SEMA7A: variants seen among roughly 807,000 people sequenced by gnomAD.
SEMA7A encodes semaphorin-7A.
In SEMA7A, 21 loss-of-function variants were observed where a neutral mutation model predicts 67.5. The ratio of observed to expected loss-of-function variants is 0.31; its 90% CI spans 0.22 to 0.45. The LOEUF (loss-of-function observed/expected upper bound fraction) is 0.45. Ranked by LOEUF, SEMA7A falls within the 20% of genes least tolerant of loss-of-function variation. The pLI, the probability that SEMA7A is intolerant of heterozygous loss-of-function variation, is 1.00. For synonymous variants in SEMA7A, 364 were observed against 368.5 expected (o/e 0.99, Z 0.14); for missense variants, 774 against 908.6 (o/e 0.85, Z 1.90).
rs2060888269 is a variant in SEMA7A, at chr15:74,410,319, A to G, written c.*305T>C. ...ACCCATGGGCTCTTGGGCTGGGAGC[A>G]TCGCTGCATTTAGTCAAGTTTGAGG... is the stretch of plus-strand genomic sequence containing the variant. On this transcript the variant is annotated 3_prime_UTR_variant, in exon 14 of 14. Coordinates refer to ENST00000261918, the MANE Select transcript of SEMA7A (RefSeq NM_003612.5). This position sits in a 1 kb window ranked among gnomAD's most constrained non-coding sequence, Gnocchi z 7.5. 2.8e-6 allele frequency: 1 copy of G among 359,982 alleles called. No individual in the cohort carries two copies. The highest frequency in any genetic ancestry group is 2.1e-5 in the African/African-American group (1 of 47,510). 22.3% of individuals were successfully genotyped at this position (359,982 alleles called of 1,614,324 possible). A position where few individuals can be genotyped will look rare whatever the true frequency, so the allele number is the denominator to read the frequency against.
rs80104948 is a variant in SEMA7A at position 74,418,044 on chromosome 15, C to A, written c.373-75G>T. The A allele has an allele frequency of 1.9e-3, 2,916 of 1,515,184 alleles. 40 individuals are homozygous for A. The African/African-American group carries it at 0.036, about 19-fold the overall frequency. The allele number at this position is 1,515,184 out of a possible 1,614,324, so 93.9% of individuals were successfully genotyped here. ...CTGGCAAGCCTAGCACTAGGACCCC[C>A]AGGATCAGGGAAGAAGGTGTCAGAA... On this transcript the variant is annotated intron_variant, in intron 3 of 13. Transcript: ENST00000261918.
In SEMA7A at chr15:74,415,822, T is replaced by C. The variant is rs2060943208; in HGVS notation, c.965A>G (p.Tyr322Cys). 4.3e-6 allele frequency: 7 copies of C among 1,613,502 alleles called. No individual in the cohort carries two copies. The highest frequency in any genetic ancestry group is 1.1e-5 in the South Asian group (1 of 91,012). The part of the protein sequence containing the change: ...PSGQWRDTRV[Y>C]GVFSNPWNYS... ...TCACCAGGGGTTGGAGAAAACACCA[T>C]AGACCCTGGTGTCCCTCCACTGGCC... Residue 322 changes from tyrosine (Y) to cysteine (C), a missense_variant, in exon 8 of 14, where the codon TAT (tyrosine) becomes TGT (cysteine). Physicochemically the swap from Tyr to Cys is radical, Grantham distance 194. Coordinates refer to ENST00000261918, the MANE Select transcript of SEMA7A (RefSeq NM_003612.5).
intron 6 of SEMA7A, 55 bp downstream of exon 6, chr15:74,417,280 C>T: frequency 2.2e-6 from 3 of 1,386,082 alleles, no homozygotes; most frequent in Non-Finnish European, 3.1e-6. Context: ...CCATCTGCCA[C>T]CTTAAGTGCT....
chr15:74,428,949 T>C (rs941694713), intron 1 of SEMA7A, among the ~76,000 whole-genome samples: 7 of 152,126 alleles, frequency 4.6e-5, no homozygotes, highest in African/African-American at 1.7e-4. Flanking sequence ...TGGCCCTCCA[T>C]CCCCCTGCTT....
intron 1 of SEMA7A, among the ~76,000 whole-genome samples, chr15:74,420,857 G>T (rs141920073): frequency 6.6e-6 from 1 of 152,314 alleles, no homozygotes; most frequent in African/African-American, 2.4e-5. Flanking sequence ...GCCAGGAAAA[G>T]GTGCGTGTCT....
Position 74,433,930 on chromosome 15 carries a change from G to A in SEMA7A, c.-12C>T, listed in dbSNP as rs776658881. The A allele has an allele frequency of 8.8e-6, 11 of 1,243,212 alleles. No individual in the cohort carries two copies. The highest frequency in any genetic ancestry group is 1.0e-5 in the Non-Finnish European group (10 of 996,064). 77.0% of individuals were successfully genotyped at this position (1,243,212 alleles called of 1,614,324 possible). ...GGAGGAGGCGTCATCCCGTGGCCCC[G>A]GGAGCGACAGCGGCAATCAGCCGAG... is the stretch of plus-strand genomic sequence containing the variant. On this transcript the variant is annotated 5_prime_UTR_variant, in exon 1 of 14. Coordinates refer to ENST00000261918, the MANE Select transcript of SEMA7A (RefSeq NM_003612.5).
At position 74,414,974 on chromosome 15, in the gene SEMA7A, G is replaced by A; in HGVS notation, c.987-28C>T. On this transcript the variant is annotated intron_variant, in intron 8 of 13. Coordinates refer to ENST00000261918, the MANE Select transcript of SEMA7A (RefSeq NM_003612.5). This position sits in a 1 kb window ranked among gnomAD's most constrained non-coding sequence, Gnocchi z 4.1. Reference sequence around the variant, plus strand: ...GCAGTGACATGGAGACCAGCTCAATGGGGGGCCCAGAACCCACCCATCCAC... The same window carrying A: ...GCAGTGACATGGAGACCAGCTCAATAGGGGGCCCAGAACCCACCCATCCAC... The A allele has an allele frequency of 2.5e-6, 4 of 1,591,520 alleles. No homozygotes were observed. Among genetic ancestry groups the A allele is most frequent in the Non-Finnish European group, 3.4e-6 (4 of 1,161,342 alleles).
At chr15:74,422,434 A>T (rs2061007802) in intron 1 of SEMA7A, among the ~76,000 whole-genome samples, 1 of 152,162 alleles carries the variant, frequency 6.6e-6, no homozygotes. Flanking sequence ...GGCATAGCCC[A>T]GAGGCAGGCC....
At position 74,423,677 on chromosome 15, in the gene SEMA7A, C is replaced by T. The variant is rs1297139395; in HGVS notation, c.179-4725G>A. Among the ~76,000 whole-genome samples, 3 of 152,184 alleles carry T rather than the reference C, an allele frequency of 2.0e-5. No homozygotes were observed. The highest frequency in any genetic ancestry group is 4.4e-5 in the Non-Finnish European group (3 of 68,024). On this transcript the variant is annotated intron_variant, in intron 1 of 13. Transcript: ENST00000261918. This position sits in a 1 kb window ranked among gnomAD's most constrained non-coding sequence, Gnocchi z 4.1. The stretch of plus-strand genomic sequence containing the variant: ...ACCTTCCAGGTGAGGCCCTGATCTC[C>T]TAGGGGCCTTTAGTGATCAAAGCCT...
At position 74,411,520 on chromosome 15, in the gene SEMA7A, C is replaced by T. The variant is rs1235744019; in HGVS notation, c.1577+36G>A. The T allele has an allele frequency of 5.2e-6, 8 of 1,544,152 alleles. No individual in the cohort carries two copies. Among genetic ancestry groups the T allele is most frequent in the East Asian group, 2.3e-5 (1 of 44,304 alleles). ...AACACCTCCCCCTCTCCCATGCCCA[C>T]CTTCTCCCAGGGACGAGGGATCCCG... On this transcript the variant is annotated intron_variant, in intron 12 of 13. Coordinates refer to ENST00000261918, the MANE Select transcript of SEMA7A (RefSeq NM_003612.5). This position sits in a 1 kb window ranked among gnomAD's most constrained non-coding sequence, Gnocchi z 4.4.
intron 1 of SEMA7A, chr15:74,433,538 C>T: frequency 8.3e-7 from 1 of 1,207,626 alleles, no homozygotes; most frequent in Non-Finnish European, 1.0e-6. Flanking sequence ...TCGCTCGCCG[C>T]AGCGTTACAG....
At position 74,433,896 on chromosome 15, in the gene SEMA7A, C is replaced by A; in HGVS notation, c.23G>T (p.Arg8Leu). Residue 8 changes from arginine (R) to leucine (L), a missense_variant, in exon 1 of 14, where the codon CGT becomes CTT. Physicochemically the swap from Arg to Leu is moderately radical, Grantham distance 102. Around this residue, in one of 2 missense-constraint regions of SEMA7A, gnomAD observed 347 missense variants for 353.2 expected, o/e 0.98. Coordinates refer to ENST00000261918, the MANE Select transcript of SEMA7A (RefSeq NM_003612.5). MTPPPPG[R>L]AAPSAPRARV... Reference sequence around the variant, plus strand: ...GGCGCGCGGTGCGCTGGGGGCGGCACGTCCGGGCGGAGGAGGCGTCATCCC... The same window carrying A: ...GGCGCGCGGTGCGCTGGGGGCGGCAAGTCCGGGCGGAGGAGGCGTCATCCC... The A allele has an allele frequency of 7.9e-7, 1 of 1,261,618 alleles. No homozygotes were observed. Among genetic ancestry groups the A allele is most frequent in the Non-Finnish European group, 9.9e-7 (1 of 1,008,032 alleles). The allele number at this position is 1,261,618 out of a possible 1,614,324, so 78.2% of individuals were successfully genotyped here.
intron 1 of SEMA7A, 60 bp downstream of exon 1, chr15:74,433,681 C>G: frequency 7.3e-7 from 1 of 1,369,916 alleles, no homozygotes; most frequent in Non-Finnish European, 9.3e-7. Context: ...GCAGCACACT[C>G]CGCACCCGCC....
intron 8 of SEMA7A, among the ~76,000 whole-genome samples, chr15:74,415,236 G>A (rs2060938295): frequency 1.3e-5 from 2 of 152,102 alleles, no homozygotes; most frequent in Non-Finnish European, 2.9e-5. Context: ...GCCCTCCCTG[G>A]GCACAGGCTG....
At position 74,411,364 on chromosome 15, in the gene SEMA7A, G is replaced by A. The variant is rs770370747; in HGVS notation, c.1578-8C>T. 1.2e-6 allele frequency: 2 copies of A among 1,613,620 alleles called. No homozygotes were observed. Among genetic ancestry groups the A allele is most frequent in the Non-Finnish European group, 1.7e-6 (2 of 1,179,786 alleles). ...ATGGATTGCAGCACTGACCTGGAGTGGGAAGGACGAAAGAGGATCAGCAGA... is the reference window on the plus strand; with the variant it reads ...ATGGATTGCAGCACTGACCTGGAGTAGGAAGGACGAAAGAGGATCAGCAGA... On this transcript the variant is annotated splice_region_variant and splice_polypyrimidine_tract_variant and intron_variant, in intron 12 of 13. Coordinates refer to ENST00000261918, the MANE Select transcript of SEMA7A (RefSeq NM_003612.5). This position sits in a 1 kb window ranked among gnomAD's most constrained non-coding sequence, Gnocchi z 4.4.
intron 1 of SEMA7A, among the ~76,000 whole-genome samples, chr15:74,421,465 G>A (rs1207351796): frequency 6.6e-6 from 1 of 152,134 alleles, no homozygotes; most frequent in Non-Finnish European, 1.5e-5. Flanking sequence ...GAGGAAGCAG[G>A]GACTGTTCGT....
At chr15:74,419,091 G>T in intron 1 of SEMA7A, 139 bp from the exon 2 acceptor site, 1 of 957,334 alleles carries the variant, frequency 1.0e-6, no homozygotes, top group Non-Finnish European at 1.5e-6. Flanking sequence ...CTGGGCTGGG[G>T]TGGTACCCAG....
intron 1 of SEMA7A, among the ~76,000 whole-genome samples, chr15:74,431,353 G>C (rs137937399): frequency 2.3e-4 from 35 of 152,342 alleles, no homozygotes; most frequent in African/African-American, 7.5e-4. Context: ...CTTTCATCAA[G>C]CTGCAGAGGC....
At chr15:74,418,026 G>T in intron 3 of SEMA7A, 57 bp from the exon 4 acceptor site, 1 of 1,565,626 alleles carries the variant, frequency 6.4e-7, no homozygotes, top group Non-Finnish European at 8.8e-7. Context: ...GCCCTGGCAA[G>T]CCTAGCACTA....
Sources: gnomAD v4.1 joint callset for allele counts (sites outside exome capture counted in the v4.1 genomes callset) on GRCh38, gnomAD v4.1.1 for gene constraint, gnomAD v4.1.1 regional missense constraint, Gnocchi (gnomAD v3.1) non-coding constraint, MANE v1.5 for transcripts, NCBI Gene and HGNC (gene_info 2026-07-23, HGNC 2026-07-21) for gene names.